CCDC192: variants seen among roughly 807,000 people sequenced by gnomAD.
CCDC192 encodes the protein coiled-coil domain-containing protein 192.
At chr5:127,756,114 C>T (rs547339291) in intron 3 of CCDC192, among the ~76,000 whole-genome samples, 4 of 150,572 alleles carry the variant, frequency 2.7e-5, no homozygotes, top group Non-Finnish European at 4.4e-5. Context: ...GCCTGGGCGA[C>T]AGAGCCAGAC....
rs77645159 is a variant in CCDC192 at position 127,785,937 on chromosome 5, A to G, written c.223-11166A>G. 0.012 allele frequency: 5,872 copies of G among 475,072 alleles called. 409 individuals are homozygous for G. The Admixed American group carries it at 0.13, about 10-fold the overall frequency. The allele number at this position is 475,072 out of a possible 1,614,324, so 29.4% of individuals were successfully genotyped here. A position where few individuals can be genotyped will look rare whatever the true frequency, so the allele number is the denominator to read the frequency against. ...AGGCAATGCATTTTTTATGAAGGTC[A>G]AGCACCTTCTGTACATACATTTTGG... On this transcript the variant is annotated intron_variant, in intron 3 of 6. Transcript: ENST00000514853.
intron 5 of CCDC192, among the ~76,000 whole-genome samples, chr5:127,864,525 A>G (rs1002349900): frequency 1.3e-5 from 2 of 152,364 alleles, no homozygotes; most frequent in East Asian, 3.9e-4. Flanking sequence ...ATTAGTTAAG[A>G]CATCTTGCTG....
chr5:127,714,254 T>C (rs927016280), intron 2 of CCDC192, among the ~76,000 whole-genome samples: 2 of 152,220 alleles, frequency 1.3e-5, no homozygotes, highest in African/African-American at 4.8e-5. Flanking sequence ...GATGGACACT[T>C]AGTTGGAGTT....
chr5:127,834,620 G>A (rs780628360), intron 5 of CCDC192, among the ~76,000 whole-genome samples: 22 of 152,184 alleles, frequency 1.4e-4, no homozygotes, highest in Non-Finnish European at 2.8e-4. Context: ...AGAATTTCAA[G>A]TTGAAAAATA....
chr5:127,732,788 T>A (rs188188498), intron 2 of CCDC192, among the ~76,000 whole-genome samples: 4 of 152,132 alleles, frequency 2.6e-5, no homozygotes, highest in East Asian at 3.9e-4. Context: ...GGGAGCTGAA[T>A]GATGAGAACA....
intron 3 of CCDC192, among the ~76,000 whole-genome samples, chr5:127,790,672 T>C (rs1235747513): frequency 6.6e-6 from 1 of 152,214 alleles, no homozygotes; most frequent in African/African-American, 2.4e-5. Context: ...AACATCCACT[T>C]TTTTAGCTCC....
At chr5:127,746,713 C>A (rs1353731794) in intron 2 of CCDC192, among the ~76,000 whole-genome samples, 1 of 151,826 alleles carries the variant, frequency 6.6e-6, no homozygotes, top group Non-Finnish European at 1.5e-5. Context: ...ACCATTCCAG[C>A]CTAAGATATT....
chr5:127,932,103 G>T (rs374802875), intron 6 of CCDC192, among the ~76,000 whole-genome samples: 1 of 148,904 alleles, frequency 6.7e-6, no homozygotes, highest in Non-Finnish European at 1.5e-5. Flanking sequence ...GCAGTGATCC[G>T]AGATCGTGCC....
rs374375636 is a variant in CCDC192, at chr5:127,721,300, A to G, written c.114+13540A>G. Among the ~76,000 whole-genome samples the G allele has an allele frequency of 1.4e-4, 21 of 152,266 alleles. No individual in the cohort carries two copies. The South Asian group carries it at 2.3e-3, about 17-fold the overall frequency. On this transcript the variant is annotated intron_variant, in intron 2 of 6. Transcript: ENST00000514853. ...TGCTTAGAAATTTCTTCCACCAGAT[A>G]CCCTAAATCATCTCTCTCATGTTCA...
intron 5 of CCDC192, among the ~76,000 whole-genome samples, chr5:127,847,085 T>C (rs1750587242): frequency 6.6e-6 from 1 of 152,192 alleles, no homozygotes; most frequent in Non-Finnish European, 1.5e-5. Flanking sequence ...CATGATTTTC[T>C]ACAGAACAAA....
At position 127,846,835 on chromosome 5, in the gene CCDC192, A is replaced by C. The variant is rs917541568; in HGVS notation, c.412-28703A>C. Among the ~76,000 whole-genome samples, 6 of 150,814 alleles carry C rather than the reference A, an allele frequency of 4.0e-5. No individual in the cohort carries two copies. In the East Asian group the frequency reaches 5.8e-4, roughly 15 times the overall value. ...TCAATAAAGCAAAAAAAAAAAAAAA[A>C]AAAAAAAAAACAGGGAAACATCAGT... On this transcript the variant is annotated intron_variant, in intron 5 of 6. Transcript: ENST00000514853.
intron 2 of CCDC192, among the ~76,000 whole-genome samples, chr5:127,725,477 TAA>T (rs1340226601): frequency 6.6e-6 from 1 of 152,352 alleles, no homozygotes; most frequent in Admixed American, 6.5e-5. Flanking sequence ...ACATTTTATT[TAA>T]TTTTGCATAT....
intron 3 of CCDC192, among the ~76,000 whole-genome samples, chr5:127,782,992 G>A (rs1432790477): frequency 6.8e-6 from 1 of 148,078 alleles, no homozygotes; most frequent in Non-Finnish European, 1.5e-5. Flanking sequence ...TATCTTAGAG[G>A]TGGGGTTTTT....
At chr5:127,937,873 T>C (rs1261442431) in intron 6 of CCDC192, among the ~76,000 whole-genome samples, 1 of 152,188 alleles carries the variant, frequency 6.6e-6, no homozygotes, top group East Asian at 1.9e-4. Flanking sequence ...CCTTTCTTCA[T>C]TGTACAAATC....
chr5:127,795,280 ACT>A lies in CCDC192; in HGVS notation c.223-1820_223-1819del, dbSNP rs556260537. ...ATTCCAATTTGGGTGACAAGGTGAG[ACT>A]CTATCTCAAAAAAAAAAAAAAAAAA... On this transcript the variant is annotated intron_variant, in intron 3 of 6. Coordinates refer to ENST00000514853, the MANE Select transcript of CCDC192 (RefSeq NM_001317938.2). Among the ~76,000 whole-genome samples, 481 of 134,884 alleles carry A rather than the reference ACT, an allele frequency of 3.6e-3. 2 individuals carry two copies. The highest frequency in any genetic ancestry group is 0.013 in the African/African-American group (456 of 35,878). The allele number at this position is 134,884 out of a possible 152,430, so 88.5% of individuals were successfully genotyped here.
At chr5:127,837,997 A>T (rs557500614) in intron 5 of CCDC192, among the ~76,000 whole-genome samples, 2 of 152,304 alleles carry the variant, frequency 1.3e-5, no homozygotes, top group Non-Finnish European at 2.9e-5. Context: ...TCCATCTCAA[A>T]AAAAGAAAAG....
Position 127,756,379 on chromosome 5 carries a change from A to G in CCDC192, c.222+2004A>G, listed in dbSNP as rs186854642. ...AAGCATTCAGGGATCAGAGTTTTTA[A>G]AGATAATTCGACGGGGAGGGGCCCG... is the stretch of plus-strand genomic sequence containing the variant. On this transcript the variant is annotated intron_variant, in intron 3 of 6. Transcript: ENST00000514853. Among the ~76,000 whole-genome samples, 635 of 152,276 alleles carry G rather than the reference A, an allele frequency of 4.2e-3. 2 individuals carry two copies. Among genetic ancestry groups the G allele is most frequent in the African/African-American group, 0.015 (613 of 41,568 alleles).
intron 2 of CCDC192, among the ~76,000 whole-genome samples, chr5:127,710,375 G>T (rs573511690): frequency 2.2e-4 from 33 of 152,024 alleles, no homozygotes; most frequent in African/African-American, 7.7e-4. Context: ...TGGTCGAGAA[G>T]ACAGAGATGA....
intron 6 of CCDC192, among the ~76,000 whole-genome samples, chr5:127,914,671 C>T (rs1015173182): frequency 2.6e-5 from 4 of 152,154 alleles, no homozygotes; most frequent in Admixed American, 6.5e-5. Context: ...ATTTGGGCAA[C>T]GTGCTTGGAG....
Sources: gnomAD v4.1 joint callset for allele counts (sites outside exome capture counted in the v4.1 genomes callset) on GRCh38, gnomAD v4.1.1 for gene constraint, MANE v1.5 for transcripts, NCBI Gene and HGNC (gene_info 2026-07-23, HGNC 2026-07-21) for gene names.